Variants in TOM1L2 observed in about 807,000 individuals in gnomAD.
TOM1L2 encodes target of myb1 like 2 membrane trafficking protein, also known as TOM1-like protein 2.
Under a neutral mutation model 67.9 loss-of-function variants are expected in TOM1L2, and 31 were observed. The ratio of observed to expected loss-of-function variants is 0.46; its 90% confidence interval spans 0.34 to 0.62. The LOEUF (loss-of-function observed/expected upper bound fraction) is 0.62, where lower values mean the gene tolerates loss of function less well. Ranked by LOEUF, TOM1L2 falls within the 20% of genes least tolerant of loss-of-function variation. The probability of loss-of-function intolerance (pLI) is 0.01; values close to 1 mark genes in which losing one functional copy is unlikely to be tolerated. For missense variants in TOM1L2, 606 were observed against 663.5 expected (o/e 0.91, Z 0.95); for synonymous variants, 256 against 254.0 (o/e 1.01, Z -0.07).
intron 1 of TOM1L2, among the ~76,000 whole-genome samples, chr17:17,917,450 CTTTTTTTTTTTT>C (rs71155307): frequency 0.013 from 465 of 36,376 alleles, 8 homozygotes; most frequent in African/African-American, 0.044. Flanking sequence ...TACCATTGGT[CTTTTTTTTTTTT>C]TTTTTTTTTT....
At chr17:17,902,953 G>A (rs948008774) in intron 2 of TOM1L2, among the ~76,000 whole-genome samples, 1 of 152,098 alleles carries the variant, frequency 6.6e-6, no homozygotes, top group African/African-American at 2.4e-5. Context: ...AACTCACACA[G>A]GCTCGCACAA....
At chr17:17,905,131 A>G (rs2039034276) in intron 2 of TOM1L2, among the ~76,000 whole-genome samples, 1 of 152,208 alleles carries the variant, frequency 6.6e-6, no homozygotes, top group African/African-American at 2.4e-5. Context: ...AGTCCCTAAC[A>G]ACTATTTGTG....
rs2035684429 is a variant in TOM1L2 at position 17,847,132 on chromosome 17, T to C, written c.*503A>G. 6.2e-6 allele frequency: 1 copy of C among 160,990 alleles called. No individual in the cohort carries two copies. The highest frequency in any genetic ancestry group is 1.4e-5 in the Non-Finnish European group (1 of 72,622). The allele number at this position is 160,990 out of a possible 1,614,324, so 10.0% of individuals were successfully genotyped here. A position where few individuals can be genotyped will look rare whatever the true frequency, so the allele number is the denominator to read the frequency against. ...AAGCCAAATGTCACAAGGTGACAAG[T>C]CCAAGGAGTGAGACCAGGCCCATGA... On this transcript the variant is annotated 3_prime_UTR_variant, in exon 15 of 15. Coordinates refer to ENST00000379504, the MANE Select transcript of TOM1L2 (RefSeq NM_001082968.2).
chr17:17,899,780 C>T (rs777969705), intron 2 of TOM1L2, among the ~76,000 whole-genome samples: 6 of 152,230 alleles, frequency 3.9e-5, no homozygotes, highest in Admixed American at 2.0e-4. Flanking sequence ...TCCCAGCTTG[C>T]ACGTTTGTTA....
intron 1 of TOM1L2, among the ~76,000 whole-genome samples, chr17:17,942,561 G>A (rs914845274): frequency 2.6e-5 from 4 of 152,162 alleles, no homozygotes; most frequent in African/African-American, 9.7e-5. Flanking sequence ...GGGCCGATAT[G>A]TACACCTTCC....
intron 4 of TOM1L2, 124 bp from the exon 5 acceptor site, chr17:17,884,892 T>C (rs1598264734): frequency 1.6e-6 from 2 of 1,269,498 alleles, no homozygotes; most frequent in African/African-American, 1.5e-5. Flanking sequence ...CAAATTGCAC[T>C]GGCTAAACCT....
intron 10 of TOM1L2, among the ~76,000 whole-genome samples, chr17:17,865,785 C>G (rs2036814584): frequency 6.8e-6 from 1 of 147,494 alleles, no homozygotes; most frequent in South Asian, 2.2e-4. Context: ...TGCTCTGTCG[C>G]CCAGGCTGGA....
At chr17:17,871,040 A>C (rs537115633) in intron 7 of TOM1L2, among the ~76,000 whole-genome samples, 268 of 152,348 alleles carry the variant, frequency 1.8e-3, no homozygotes, top group Non-Finnish European at 3.4e-3. Context: ...GCTCTCCCCA[A>C]GTACTTCTGA....
chr17:17,886,846 G>T (rs543748501), intron 4 of TOM1L2, among the ~76,000 whole-genome samples: 1 of 152,316 alleles, frequency 6.6e-6, no homozygotes, highest in Non-Finnish European at 1.5e-5. Flanking sequence ...GGAGTGGGAG[G>T]GAAATGCACA....
intron 1 of TOM1L2, among the ~76,000 whole-genome samples, chr17:17,937,288 CTAT>C (rs369244199): frequency 2.0e-5 from 3 of 152,342 alleles, no homozygotes; most frequent in African/African-American, 7.2e-5. Flanking sequence ...TACTGTAATC[CTAT>C]TCAAGGAACA....
intron 4 of TOM1L2, among the ~76,000 whole-genome samples, chr17:17,887,571 G>C (rs1301721059): frequency 6.6e-6 from 1 of 152,186 alleles, no homozygotes; most frequent in Non-Finnish European, 1.5e-5. Flanking sequence ...CTGCCTCCGG[G>C]CTCAAGCAAT....
intron 1 of TOM1L2, among the ~76,000 whole-genome samples, chr17:17,919,346 C>T (rs1424834906): frequency 6.6e-6 from 1 of 152,194 alleles, no homozygotes; most frequent in Non-Finnish European, 1.5e-5. Flanking sequence ...CCCCTCCTCT[C>T]CCATTCCCGT....
intron 10 of TOM1L2, chr17:17,863,382 G>A (rs2036665921): frequency 6.4e-6 from 1 of 155,436 alleles, no homozygotes; most frequent in Admixed American, 6.5e-5. Flanking sequence ...CAACACAACA[G>A]TGGGTCTGTA....
intron 1 of TOM1L2, among the ~76,000 whole-genome samples, chr17:17,942,900 G>C (rs1417944475): frequency 6.6e-6 from 1 of 152,152 alleles, no homozygotes; most frequent in Non-Finnish European, 1.5e-5. Context: ...GAGACATGAA[G>C]ACTGTTAGAA....
rs778667027 is a variant in TOM1L2 at position 17,869,347 on chromosome 17, A to G, written c.904T>C (p.Tyr302His). The change falls in exon 8 of 15, where the codon TAC becomes CAC. Residue 302 changes from tyrosine (Y) to histidine (H), a missense_variant. By Grantham distance (83) the Tyr-to-His change is moderately conservative. This residue lies in a region of TOM1L2 where 543 missense variants were observed against 554.0 expected (regional missense o/e 0.98). Coordinates refer to ENST00000379504, the MANE Select transcript of TOM1L2 (RefSeq NM_001082968.2). ...NDDLNNVFLR[Y>H]ERFERYRSGR... ...AAGAAATCCGGCTCCCACCTCTCGT[A>G]TCGAAGGAAGACGTTGTTGAGGTCA... The G allele has an allele frequency of 1.2e-6, 2 of 1,610,438 alleles. No individual in the cohort carries two copies. The highest frequency in any genetic ancestry group is 1.7e-6 in the Non-Finnish European group (2 of 1,179,648).
chr17:17,947,224 A>G (rs2040990930), intron 1 of TOM1L2, among the ~76,000 whole-genome samples: 1 of 151,680 alleles, frequency 6.6e-6, no homozygotes, highest in East Asian at 1.9e-4. Context: ...GGGTCTCACT[A>G]TATTGCCCAT....
At chr17:17,903,478 T>C (rs1043657274) in intron 2 of TOM1L2, among the ~76,000 whole-genome samples, 27 of 151,850 alleles carry the variant, frequency 1.8e-4, no homozygotes, top group Non-Finnish European at 5.9e-5. Flanking sequence ...CTGGGCGTGG[T>C]GGCGGGCGCC....
chr17:17,850,086 A>G (rs2035872815), intron 13 of TOM1L2, among the ~76,000 whole-genome samples: 1 of 152,128 alleles, frequency 6.6e-6, no homozygotes, highest in Non-Finnish European at 1.5e-5. Context: ...GCCTGGGGAC[A>G]AGGCCCCCTA....
At chr17:17,889,601 C>T (rs1278361484) in intron 4 of TOM1L2, among the ~76,000 whole-genome samples, 3 of 152,226 alleles carry the variant, frequency 2.0e-5, no homozygotes, top group Non-Finnish European at 2.9e-5. Context: ...CCATGCCTCA[C>T]AGGCAGGAGG....
Sources: gnomAD v4.1 joint callset for allele counts (sites outside exome capture counted in the v4.1 genomes callset) on GRCh38, gnomAD v4.1.1 for gene constraint, gnomAD v4.1.1 regional missense constraint, MANE v1.5 for transcripts, NCBI Gene and HGNC (gene_info 2026-07-23, HGNC 2026-07-21) for gene names.